PTPRN2: variants seen among roughly 807,000 people sequenced by gnomAD.
PTPRN2 encodes protein tyrosine phosphatase receptor type N2.
In PTPRN2, 74 loss-of-function variants were observed where a neutral mutation model predicts 118.8. That is an observed-to-expected ratio of 0.62 (90% CI 0.52 to 0.76). PTPRN2 has a LOEUF of 0.76. PTPRN2 is among the 30% of genes least tolerant of loss of function. PTPRN2 has a pLI of 0.00. For synonymous variants in PTPRN2, 641 were observed against 608.0 expected (o/e 1.05, Z -0.80); for missense variants, 1,481 against 1,394.4 (o/e 1.06, Z -0.99).
intron 3 of PTPRN2, among the ~76,000 whole-genome samples, chr7:158,303,728 G>C (rs1801068227): frequency 6.6e-6 from 1 of 152,242 alleles, no homozygotes; most frequent in African/African-American, 2.4e-5. Flanking sequence ...AGATGCTGAT[G>C]GCAGGCCTCA....
chr7:158,175,119 C>T (rs1398978633), intron 5 of PTPRN2, among the ~76,000 whole-genome samples: 4 of 152,158 alleles, frequency 2.6e-5, no homozygotes, highest in African/African-American at 9.7e-5. Context: ...TCTCCTGCAC[C>T]GAGGATCCAA....
At chr7:157,851,644 C>G (rs1563171528) in intron 12 of PTPRN2, among the ~76,000 whole-genome samples, 1 of 152,180 alleles carries the variant, frequency 6.6e-6, no homozygotes, top group Non-Finnish European at 1.5e-5. Context: ...CTGCAGAGAC[C>G]GCCCAGCTCT....
chr7:158,145,656 G>T (rs1157604009), intron 6 of PTPRN2, among the ~76,000 whole-genome samples: 1 of 152,234 alleles, frequency 6.6e-6, no homozygotes, highest in Non-Finnish European at 1.5e-5. Flanking sequence ...AACCAACAGG[G>T]GCTCCCCTGC....
intron 13 of PTPRN2, among the ~76,000 whole-genome samples, chr7:157,657,140 CCACA>C (rs527515874): frequency 8.5e-6 from 1 of 117,502 alleles, no homozygotes; most frequent in Admixed American, 9.0e-5. Context: ...CACACATACG[CCACA>C]CACACACACC....
intron 12 of PTPRN2, among the ~76,000 whole-genome samples, chr7:157,712,618 G>T (rs576407835): frequency 6.6e-6 from 1 of 152,148 alleles, no homozygotes; most frequent in South Asian, 2.1e-4. Flanking sequence ...AGGCGTGGTG[G>T]TGGGCACCTG....
At chr7:157,712,567 A>G (rs1045778313) in intron 12 of PTPRN2, among the ~76,000 whole-genome samples, 26 of 152,076 alleles carry the variant, frequency 1.7e-4, no homozygotes, top group African/African-American at 6.0e-4. Flanking sequence ...CCTGACCAAC[A>G]TAGTGAAACC....
chr7:158,093,213 CGCTGG>C lies in PTPRN2; in HGVS notation c.1644-11841_1644-11837del, dbSNP rs1387082716. On this transcript the variant is annotated intron_variant, in intron 10 of 22. Transcript: ENST00000389418. This position sits in a 1 kb window ranked among gnomAD's most constrained non-coding sequence, Gnocchi z 4.4. ...CACCTCTGTCCTTTCCTGACTCTGC[CGCTGG>C]ACCGACCCCCCACACTGTAGACCCA... 8.3e-5 allele frequency among the ~76,000 whole-genome samples: 5 copies of C among 60,206 alleles called. No homozygotes were observed. In the East Asian group the frequency reaches 2.6e-3, roughly 31 times the overall value. 39.5% of individuals were successfully genotyped at this position (60,206 alleles called of 152,430 possible).
At chr7:157,687,730 TACTA>T (rs1563345967) in intron 12 of PTPRN2, among the ~76,000 whole-genome samples, 1 of 152,218 alleles carries the variant, frequency 6.6e-6, no homozygotes, top group Non-Finnish European at 1.5e-5. Context: ...TAAAAGGCAT[TACTA>T]AAATATAATA....
chr7:158,400,906 C>T (rs1001450425), intron 2 of PTPRN2, among the ~76,000 whole-genome samples: 26 of 152,096 alleles, frequency 1.7e-4, no homozygotes, highest in Middle Eastern at 3.4e-3. Flanking sequence ...CCCCCGCATT[C>T]CCCCAGATCC....
rs77783801 is a variant in PTPRN2 at position 157,835,059 on chromosome 7, T to C, written c.1788+63614A>G. 3.2e-3 allele frequency among the ~76,000 whole-genome samples: 482 copies of C among 152,212 alleles called. 4 individuals are homozygous for C. The highest frequency in any genetic ancestry group is 0.011 in the African/African-American group (453 of 41,532). ...CTGGATAGATTTCTCTTCTCTTCCT[T>C]TGAGAATGAGTGAAGAGGGAAGATA... On this transcript the variant is annotated intron_variant, in intron 12 of 22. Coordinates refer to ENST00000389418, the MANE Select transcript of PTPRN2 (RefSeq NM_002847.5).
intron 8 of PTPRN2, among the ~76,000 whole-genome samples, chr7:158,134,825 A>G (rs1410136142): frequency 6.6e-6 from 1 of 152,234 alleles, no homozygotes; most frequent in Non-Finnish European, 1.5e-5. Flanking sequence ...CTCCAACCCC[A>G]TAAATAAAGG....
chr7:158,216,147 T>C (rs981640569), intron 3 of PTPRN2, among the ~76,000 whole-genome samples: 3 of 152,116 alleles, frequency 2.0e-5, no homozygotes, highest in African/African-American at 7.2e-5. Context: ...CTGGTAAAAT[T>C]ATGACACCAG....
Position 157,622,968 on chromosome 7 carries a change from G to A in PTPRN2, c.2197-1459C>T, listed in dbSNP as rs7804475. On this transcript the variant is annotated intron_variant, in intron 14 of 22. Transcript: ENST00000389418. The surrounding 1 kb of genome is among the most constrained non-coding windows in gnomAD (Gnocchi z 5.3). ...CATCAGGGCTGCTCTGAGCCAAAGC[G>A]AACGAGTTCATCTACTCCCGTCACC... Among the ~76,000 whole-genome samples, 6,191 of 152,244 alleles carry A rather than the reference G, an allele frequency of 0.041. 423 individuals are homozygous for A. The highest frequency in any genetic ancestry group is 0.14 in the African/African-American group (5,834 of 41,520).
intron 11 of PTPRN2, among the ~76,000 whole-genome samples, chr7:158,072,228 G>A (rs928911922): frequency 3.3e-5 from 5 of 152,128 alleles, no homozygotes; most frequent in African/African-American, 9.7e-5. Context: ...GTCCAATAAT[G>A]CAAATACGTA....
At chr7:158,263,742 C>T (rs573470913) in intron 3 of PTPRN2, among the ~76,000 whole-genome samples, 1 of 152,362 alleles carries the variant, frequency 6.6e-6, no homozygotes, top group South Asian at 2.1e-4. Flanking sequence ...CCACCAGGGA[C>T]CCCTCCAAAG....
intron 11 of PTPRN2, among the ~76,000 whole-genome samples, chr7:157,967,359 C>T (rs1489357203): frequency 6.6e-6 from 1 of 152,152 alleles, no homozygotes; most frequent in South Asian, 2.1e-4. Flanking sequence ...AAGTCCAGCC[C>T]GGGTCTCACT....
At chr7:157,675,581 T>C (rs1796627592) in intron 13 of PTPRN2, among the ~76,000 whole-genome samples, 1 of 152,178 alleles carries the variant, frequency 6.6e-6, no homozygotes, top group African/African-American at 2.4e-5. Flanking sequence ...CCCGCCTCTC[T>C]AATCAGGTCT....
chr7:158,356,991 G>A (rs1016163337), intron 2 of PTPRN2, among the ~76,000 whole-genome samples: 27 of 152,168 alleles, frequency 1.8e-4, no homozygotes, highest in Admixed American at 1.3e-3. Flanking sequence ...AGCGGCCTCC[G>A]TCTGGCTACC....
At position 158,231,196 on chromosome 7, in the gene PTPRN2, G is replaced by C. The variant is rs116828492; in HGVS notation, c.278-25923C>G. Among the ~76,000 whole-genome samples the C allele has an allele frequency of 5.0e-3, 754 of 152,252 alleles. 5 individuals are homozygous for C. Among genetic ancestry groups the C allele is most frequent in the African/African-American group, 0.017 (710 of 41,532 alleles). On this transcript the variant is annotated intron_variant, in intron 3 of 22. Coordinates refer to ENST00000389418, the MANE Select transcript of PTPRN2 (RefSeq NM_002847.5). ...GTGGGAGGATCACTTGAGCATGGAA[G>C]GTCAAGCCTGCAGTGAGCCATGATC...
Sources: allele counts gnomAD v4.1 joint callset (sites outside exome capture counted in the v4.1 genomes callset), GRCh38; gene constraint gnomAD v4.1.1; non-coding constraint Gnocchi (gnomAD v3.1); transcripts MANE v1.5; gene names NCBI Gene and HGNC (gene_info 2026-07-23, HGNC 2026-07-21).